RBM47: variants seen among roughly 807,000 people sequenced by gnomAD.
The protein encoded by RBM47 is RNA-binding protein 47.
RBM47 carries 21 observed loss-of-function variants against 47.1 expected under a neutral mutation model. The ratio of observed to expected loss-of-function variants is 0.45; its 90% CI spans 0.32 to 0.64. The LOEUF is 0.64. Ranked by LOEUF, RBM47 falls within the 30% of genes least tolerant of loss-of-function variation. The probability of loss-of-function intolerance (pLI) is 0.05; values close to 1 mark genes in which losing one functional copy is unlikely to be tolerated. For missense variants in RBM47, 708 were observed against 870.9 expected (o/e 0.81, Z 2.35); for synonymous variants, 375 against 361.7 (o/e 1.04, Z -0.42).
intron 2 of RBM47, among the ~76,000 whole-genome samples, chr4:40,510,467 T>A (rs989695054): frequency 6.6e-6 from 1 of 152,164 alleles, no homozygotes; most frequent in Non-Finnish European, 1.5e-5. Flanking sequence ...TTGTGATCCA[T>A]GACCTAAGGG....
At position 40,457,220 on chromosome 4, in the gene RBM47, G is replaced by A. The variant is rs536510527; in HGVS notation, c.-32+9357C>T. Among the ~76,000 whole-genome samples, 141 of 151,772 alleles carry A rather than the reference G, an allele frequency of 9.3e-4. 1 individual carries two copies. In the Middle Eastern group the frequency reaches 0.01, roughly 11 times the overall value. On this transcript the variant is annotated intron_variant, in intron 3 of 6. Coordinates refer to ENST00000295971, the MANE Select transcript of RBM47 (RefSeq NM_001098634.2). Reference sequence around the variant, plus strand: ...GGATCACCTGAGATCAGGAGTTCAAGACCAGCCTGGCCAACATGGTGAAAT... The same window carrying A: ...GGATCACCTGAGATCAGGAGTTCAAAACCAGCCTGGCCAACATGGTGAAAT...
chr4:40,512,779 CTT>C (rs1725120578), intron 2 of RBM47, among the ~76,000 whole-genome samples: 1 of 151,410 alleles, frequency 6.6e-6, no homozygotes, highest in African/African-American at 2.4e-5. Context: ...AAAAAGTGTG[CTT>C]TTAATGCATG....
At chr4:40,517,167 C>G (rs1725681901) in intron 2 of RBM47, among the ~76,000 whole-genome samples, 1 of 151,274 alleles carries the variant, frequency 6.6e-6, no homozygotes, top group Non-Finnish European at 1.5e-5. Context: ...TGGAGTCTCG[C>G]CCTCTTGCCC....
rs1346250030 is a variant in RBM47, at chr4:40,423,650, CTTTTTCTTTCTTTCTT to C, written c.*2238_*2253del. ...TATCATTTTTTTTTATTCTTTCTTT[CTTTTTCTTTCTTTCTT>C]TCTTTCTTTCTTTCTTTCTTTCTTT... On this transcript the variant is annotated 3_prime_UTR_variant, in exon 7 of 7. Transcript: ENST00000295971. 2.6e-3 allele frequency: 352 copies of C among 135,014 alleles called. 1 individual carries two copies. The highest frequency in any genetic ancestry group is 4.8e-3 in the Non-Finnish European group (298 of 62,482). The allele number at this position is 135,014 out of a possible 1,614,324, so 8.4% of individuals were successfully genotyped here.
intron 1 of RBM47, among the ~76,000 whole-genome samples, chr4:40,557,710 T>C (rs753533364): frequency 9.2e-5 from 14 of 151,522 alleles, no homozygotes; most frequent in Non-Finnish European, 1.6e-4. Flanking sequence ...GGTCGCACCA[T>C]TGCACTCCAG....
chr4:40,526,445 G>T (rs1283624955), intron 2 of RBM47, among the ~76,000 whole-genome samples: 1 of 148,548 alleles, frequency 6.7e-6, no homozygotes, highest in East Asian at 1.9e-4. Context: ...GTACAAGAAA[G>T]TCACTGAGTA....
intron 1 of RBM47, among the ~76,000 whole-genome samples, chr4:40,556,091 G>A (rs112956329): frequency 0.15 from 22,809 of 149,934 alleles, 3,702 homozygotes; most frequent in African/African-American, 0.42. Flanking sequence ...GCTGGAGTGC[G>A]GTGGCGTGAT....
Position 40,437,989 on chromosome 4 carries a change from T to G in RBM47, c.905A>C (p.Asn302Thr). Residue 302 changes from asparagine to threonine, a missense_variant, in exon 4 of 7, where the codon AAC (asparagine) becomes ACC (threonine). Physicochemically the swap from Asn to Thr is moderately conservative, Grantham distance 65 (BLOSUM62 0). Coordinates refer to ENST00000295971, the MANE Select transcript of RBM47 (RefSeq NM_001098634.2). ...EDAVHAMNNLNGTELEGSCLE... is the reference protein window; with the variant it reads ...EDAVHAMNNLTGTELEGSCLE... ...GCACGAGCCCTCCAGCTCAGTGCCGTTGAGGTTGTTCATGGCATGCACGGC... is the reference window on the plus strand; with the variant it reads ...GCACGAGCCCTCCAGCTCAGTGCCGGTGAGGTTGTTCATGGCATGCACGGC... The G allele has an allele frequency of 6.2e-7, 1 of 1,613,542 alleles. No homozygotes were observed. Among genetic ancestry groups the G allele is most frequent in the Non-Finnish European group, 8.5e-7 (1 of 1,179,998 alleles).
intron 2 of RBM47, among the ~76,000 whole-genome samples, chr4:40,472,576 A>AG (rs1355204992): frequency 1.3e-5 from 2 of 151,896 alleles, no homozygotes; most frequent in African/African-American, 4.8e-5. Context: ...AAAAAAAAAA[A>AG]AAAATCATGT....
chr4:40,449,852 T>C (rs1466478734), intron 3 of RBM47, among the ~76,000 whole-genome samples: 1 of 147,312 alleles, frequency 6.8e-6, no homozygotes, highest in Non-Finnish European at 1.5e-5. Context: ...CTAAGTTTTG[T>C]ACTTTTTTTA....
chr4:40,545,075 G>A (rs569604517), intron 1 of RBM47, among the ~76,000 whole-genome samples: 266 of 138,156 alleles, frequency 1.9e-3, no homozygotes, highest in Non-Finnish European at 3.6e-3. Context: ...TTTTTCAGAC[G>A]GAGTCTCGCT....
intron 2 of RBM47, among the ~76,000 whole-genome samples, chr4:40,508,878 C>T (rs545943884): frequency 1.2e-4 from 18 of 152,242 alleles, no homozygotes; most frequent in African/African-American, 3.9e-4. Flanking sequence ...AATATGTTTT[C>T]GGCCAGGCGC....
intron 3 of RBM47, among the ~76,000 whole-genome samples, chr4:40,458,299 T>A (rs1560382596): frequency 6.6e-6 from 1 of 152,212 alleles, no homozygotes; most frequent in Non-Finnish European, 1.5e-5. Context: ...CAGTTTTAGG[T>A]GTGACCTTCT....
chr4:40,545,610 G>A (rs1339021609), intron 1 of RBM47, among the ~76,000 whole-genome samples: 1 of 146,342 alleles, frequency 6.8e-6, no homozygotes, highest in Non-Finnish European at 1.5e-5. Flanking sequence ...GTTGCAGTGA[G>A]CCAAGATCAC....
intron 3 of RBM47, among the ~76,000 whole-genome samples, chr4:40,457,626 G>T (rs376543364): frequency 1.2e-4 from 18 of 152,052 alleles, no homozygotes; most frequent in African/African-American, 4.3e-4. Context: ...GTACAGACAG[G>T]GTTTCACCAT....
At chr4:40,577,344 T>G (rs960975434) in intron 1 of RBM47, among the ~76,000 whole-genome samples, 2 of 152,016 alleles carry the variant, frequency 1.3e-5, no homozygotes, top group Non-Finnish European at 2.9e-5. Flanking sequence ...TTCCTCAAAC[T>G]GGGAAATGCC....
intron 2 of RBM47, among the ~76,000 whole-genome samples, chr4:40,541,733 T>C (rs1277960873): frequency 6.6e-6 from 1 of 151,300 alleles, no homozygotes; most frequent in Non-Finnish European, 1.5e-5. Flanking sequence ...AGCAAAACTC[T>C]GTCTCAAAAA....
At chr4:40,476,290 G>A (rs542810537) in intron 2 of RBM47, among the ~76,000 whole-genome samples, 1 of 152,138 alleles carries the variant, frequency 6.6e-6, no homozygotes, top group East Asian at 1.9e-4. Context: ...TTTAGCAAGT[G>A]TTGCTTTTTC....
chr4:40,616,452 T>C (rs1303118731), intron 1 of RBM47, among the ~76,000 whole-genome samples: 1 of 151,828 alleles, frequency 6.6e-6, no homozygotes, highest in African/African-American at 2.4e-5. Context: ...TGCGCAATCA[T>C]TTTTTTTAGA....
Sources: allele counts gnomAD v4.1 joint callset (sites outside exome capture counted in the v4.1 genomes callset), GRCh38; gene constraint gnomAD v4.1.1; transcripts MANE v1.5; gene names NCBI Gene and HGNC (gene_info 2026-07-23, HGNC 2026-07-21).